KBTBD3: variants seen among roughly 807,000 people sequenced by gnomAD.
The protein encoded by KBTBD3 is kelch repeat and BTB domain containing 3, also known as kelch repeat and BTB domain-containing protein 3.
A neutral mutation model predicts 49.6 loss-of-function variants in KBTBD3; 38 were observed. The ratio of observed to expected loss-of-function variants is 0.77; its 90% confidence interval spans 0.59 to 1.00. The LOEUF (loss-of-function observed/expected upper bound fraction) is 1.00, where lower values mean the gene tolerates loss of function less well. Among genes scored for constraint, KBTBD3 ranks in the 50% least tolerant of loss-of-function variants. The pLI is 0.00. For missense variants in KBTBD3, 661 were observed against 712.0 expected (o/e 0.93, Z 0.81); for synonymous variants, 214 against 250.4 (o/e 0.85, Z 1.37).
chr11:106,065,779 G>A (rs1036705766), intron 2 of KBTBD3, among the ~76,000 whole-genome samples: 1 of 151,986 alleles, frequency 6.6e-6, no homozygotes, highest in Non-Finnish European at 1.5e-5. Flanking sequence ...TGGCCAACAC[G>A]GTAAAACCCC....
chr11:106,065,945 A>C (rs1396049519), intron 2 of KBTBD3, among the ~76,000 whole-genome samples: 1 of 129,410 alleles, frequency 7.7e-6, no homozygotes, highest in Non-Finnish European at 1.6e-5. Context: ...TGGATGACAG[A>C]GCAAGACTGT....
intron 3 of KBTBD3, among the ~76,000 whole-genome samples, chr11:106,056,901 G>C (rs904440439): frequency 3.3e-5 from 5 of 152,188 alleles, no homozygotes; most frequent in Admixed American, 6.5e-5. Flanking sequence ...GGTTATAAGA[G>C]AGGAGGGAAG....
chr11:106,055,965 C>T (rs1218409889), intron 3 of KBTBD3, among the ~76,000 whole-genome samples: 1 of 152,086 alleles, frequency 6.6e-6, no homozygotes. Flanking sequence ...CATCTATCTC[C>T]AATTTACCAT....
In KBTBD3 at chr11:106,053,291, T is replaced by A; in HGVS notation, c.1398A>T (p.Thr466=). ...IYVLGSEVEI[T]DAFNPSLDCF... is the part of the protein sequence containing the mutation. ...AATCAAGTGATGGGTTAAAAGCATC[T>A]GTAATCTCTACCTCTGATCCAAGAA... Residue 466 remains threonine, a synonymous_variant, in exon 4 of 4, where the codon ACA becomes ACT. Transcript: ENST00000531837. The A allele has an allele frequency of 3.1e-6, 5 of 1,613,660 alleles. No individual in the cohort carries two copies. Among genetic ancestry groups the A allele is most frequent in the Non-Finnish European group, 4.2e-6 (5 of 1,179,830 alleles).
chr11:106,071,485 TAA>T (rs1455645659), intron 2 of KBTBD3, among the ~76,000 whole-genome samples: 1 of 152,162 alleles, frequency 6.6e-6, no homozygotes, highest in Admixed American at 6.5e-5. Flanking sequence ...TTTATTTCTA[TAA>T]ATAGTAACAA....
chr11:106,058,113 A>G, intron 3 of KBTBD3: 1 of 393,062 alleles, frequency 2.5e-6, no homozygotes, highest in East Asian at 3.6e-5. Context: ...GGCCCAGCGC[A>G]GTGGCTCACA....
rs751453753 is a variant in KBTBD3 at position 106,053,336 on chromosome 11, T to C, written c.1353A>G (p.Thr451=). 2 of 1,613,420 alleles carry C rather than the reference T, an allele frequency of 1.2e-6. No homozygotes were observed. Among genetic ancestry groups the C allele is most frequent in the African/African-American group, 1.3e-5 (1 of 75,042 alleles). The change falls in exon 4 of 4, where the codon ACA becomes ACG. Residue 451 remains threonine (T), a synonymous_variant. Coordinates refer to ENST00000531837, the MANE Select transcript of KBTBD3 (RefSeq NM_198439.3). ...PRGIYYPEAS[T]CQNVIYVLGS... is the part of the protein sequence containing the mutation. ...CAAGAACATAAATTACATTTTGGCA[T>C]GTGCTTGCTTCTGGATAGTATATGC...
At chr11:106,076,475 A>T (rs997392304) in intron 2 of KBTBD3, 32 bp downstream of exon 2, 2 of 152,184 alleles carry the variant, frequency 1.3e-5, no homozygotes, top group African/African-American at 4.8e-5. Flanking sequence ...ATAGGACAGA[A>T]ATCATAGGCA....
chr11:106,068,104 C>G (rs1860844990), intron 2 of KBTBD3, among the ~76,000 whole-genome samples: 1 of 148,740 alleles, frequency 6.7e-6, no homozygotes, highest in Admixed American at 6.7e-5. Context: ...ATATGTGAAG[C>G]AAAAACTGAT....
chr11:106,057,168 T>C (rs1178695501), intron 3 of KBTBD3, among the ~76,000 whole-genome samples: 1 of 152,106 alleles, frequency 6.6e-6, no homozygotes, highest in Non-Finnish European at 1.5e-5. Flanking sequence ...TATGTATCAG[T>C]AAATGTTTGT....
intron 3 of KBTBD3, among the ~76,000 whole-genome samples, chr11:106,055,521 A>G (rs1178218244): frequency 1.3e-5 from 2 of 152,210 alleles, no homozygotes; most frequent in East Asian, 1.9e-4. Flanking sequence ...TTAGTAATGT[A>G]TATCAATAGA....
At chr11:106,073,249 C>T (rs1860956292) in intron 2 of KBTBD3, among the ~76,000 whole-genome samples, 1 of 145,426 alleles carries the variant, frequency 6.9e-6, no homozygotes, top group South Asian at 2.3e-4. Context: ...CGTGCATTAG[C>T]ACACTCAGCT....
Position 106,055,760 on chromosome 11 carries a change from T to C in KBTBD3, c.234-1305A>G, listed in dbSNP as rs541903552. Among the ~76,000 whole-genome samples, 17 of 152,272 alleles carry C rather than the reference T, an allele frequency of 1.1e-4. No individual in the cohort carries two copies. The South Asian group carries it at 3.1e-3, about 28-fold the overall frequency. On this transcript the variant is annotated intron_variant, in intron 3 of 3. Transcript: ENST00000531837. ...GCAGGTACTGGTAGTATCTATGTCATTGGGTGCTGAGAAGAATAAATGGGT... is the reference window on the plus strand; with the variant it reads ...GCAGGTACTGGTAGTATCTATGTCACTGGGTGCTGAGAAGAATAAATGGGT...
intron 2 of KBTBD3, among the ~76,000 whole-genome samples, chr11:106,063,665 G>A (rs1305667400): frequency 2.0e-5 from 3 of 152,200 alleles, no homozygotes; most frequent in Non-Finnish European, 4.4e-5. Context: ...GGGTGCAGTG[G>A]CTTATGCCTG....
At chr11:106,067,467 G>A (rs572467625) in intron 2 of KBTBD3, among the ~76,000 whole-genome samples, 1 of 152,150 alleles carries the variant, frequency 6.6e-6, no homozygotes, top group African/African-American at 2.4e-5. Flanking sequence ...GCTGGGTGTG[G>A]TGGCAGGCAC....
chr11:106,058,059 G>A lies in KBTBD3; in HGVS notation c.233+806C>T, dbSNP rs778243751. 3.0e-5 allele frequency: 12 copies of A among 398,234 alleles called. No individual in the cohort carries two copies. The East Asian group carries it at 3.9e-4, about 13-fold the overall frequency. 24.7% of individuals were successfully genotyped at this position (398,234 alleles called of 1,614,324 possible). On this transcript the variant is annotated intron_variant, in intron 3 of 3. Transcript: ENST00000531837. ...AATGCTGACCTGGGAAGACCTATAC[G>A]TTAAAAAAAGGTAGTCTTAAATTCT...
At chr11:106,073,014 C>T (rs1184621799) in intron 2 of KBTBD3, among the ~76,000 whole-genome samples, 1 of 152,118 alleles carries the variant, frequency 6.6e-6, no homozygotes, top group Non-Finnish European at 1.5e-5. Context: ...AACAATGGGG[C>T]ATTCAATTTC....
At chr11:106,060,347 CAAAA>C (rs1025270521) in intron 2 of KBTBD3, among the ~76,000 whole-genome samples, 1 of 150,202 alleles carries the variant, frequency 6.7e-6, no homozygotes, top group African/African-American at 2.4e-5. Context: ...TTTTCCAAAA[CAAAA>C]AAAAAGTTTC....
At chr11:106,072,022 C>T (rs1456734147) in intron 2 of KBTBD3, among the ~76,000 whole-genome samples, 2 of 152,108 alleles carry the variant, frequency 1.3e-5, no homozygotes, top group Admixed American at 6.5e-5. Flanking sequence ...TTTTAAGACA[C>T]AAATTTTTTC....
Sources: gnomAD v4.1 joint callset for allele counts (sites outside exome capture counted in the v4.1 genomes callset) on GRCh38, gnomAD v4.1.1 for gene constraint, MANE v1.5 for transcripts, NCBI Gene and HGNC (gene_info 2026-07-23, HGNC 2026-07-21) for gene names.